TMEM273: variants seen among roughly 807,000 people sequenced by gnomAD.
TMEM273 encodes transmembrane protein 273.
TMEM273 carries 19 observed loss-of-function variants against 17.9 expected under a neutral mutation model. The ratio of observed to expected loss-of-function variants is 1.06; its 90% CI spans 0.74 to 1.55. The LOEUF is 1.55. Among genes scored for constraint, TMEM273 ranks in the 40% most tolerant of loss-of-function variants. The pLI is 0.00. For synonymous variants in TMEM273, 66 were observed against 62.0 expected, an observed-to-expected ratio of 1.07 and a Z score of -0.31; for missense variants, 194 against 155.6, an observed-to-expected ratio of 1.25 and a Z score of -1.31.
chr10:49,184,825 G>C (rs1306546308), intron 1 of TMEM273, among the ~76,000 whole-genome samples: 2 of 152,252 alleles, frequency 1.3e-5, no homozygotes, highest in African/African-American at 4.8e-5. Context: ...CAGCCATCAG[G>C]CTGCAAGTTA....
chr10:49,182,688 T>G (rs1665986938), intron 1 of TMEM273, among the ~76,000 whole-genome samples: 1 of 152,234 alleles, frequency 6.6e-6, no homozygotes, highest in African/African-American at 2.4e-5. Flanking sequence ...CCAGATATTT[T>G]CAATAGCTAG....
At chr10:49,168,072 AGAGG>A in intron 1 of TMEM273, 110 bp from the exon 2 acceptor site, 1 of 1,320,300 alleles carries the variant, frequency 7.6e-7, no homozygotes. Context: ...CCAGGAGCAC[AGAGG>A]TGGGCTCCCA....
chr10:49,172,094 T>C (rs1346219427), intron 1 of TMEM273, among the ~76,000 whole-genome samples: 1 of 152,232 alleles, frequency 6.6e-6, no homozygotes, highest in Non-Finnish European at 1.5e-5. Context: ...GACTTAAATG[T>C]TGCAGAATGG....
intron 6 of TMEM273, among the ~76,000 whole-genome samples, chr10:49,157,501 A>G (rs2804938): frequency 0.61 from 93,358 of 152,136 alleles, 28,925 homozygotes; most frequent in South Asian, 0.71. Flanking sequence ...CCAACAAGGA[A>G]AGAAGAAGAA....
chr10:49,167,998 A>G, intron 1 of TMEM273, 36 bp from the exon 2 acceptor site: 1 of 1,613,130 alleles, frequency 6.2e-7, no homozygotes, highest in Non-Finnish European at 8.5e-7. Flanking sequence ...TGGTTAGAAC[A>G]GAGCTGGCTG....
At chr10:49,162,951 G>A (rs1313666167) in intron 5 of TMEM273, among the ~76,000 whole-genome samples, 1 of 152,208 alleles carries the variant, frequency 6.6e-6, no homozygotes, top group Non-Finnish European at 1.5e-5. Context: ...TGATTCCATG[G>A]TGGGAGATGC....
intron 1 of TMEM273, among the ~76,000 whole-genome samples, chr10:49,181,595 T>C (rs572255399): frequency 1.3e-5 from 2 of 152,164 alleles, no homozygotes; most frequent in Non-Finnish European, 2.9e-5. Context: ...GGGCAAAATA[T>C]ATTCAATAGA....
rs760839210 is a variant in TMEM273, at chr10:49,167,868, C to T, written c.97+41G>A. ...GCTTGTCTTGGGAGCTTCCTTCCTGCCCCTGACCCTGTGCACAGAATAACA... is the reference window on the plus strand; with the variant it reads ...GCTTGTCTTGGGAGCTTCCTTCCTGTCCCTGACCCTGTGCACAGAATAACA... On this transcript the variant is annotated intron_variant, in intron 2 of 6. Coordinates refer to ENST00000374153, the MANE Select transcript of TMEM273 (RefSeq NM_001288740.3). The T allele has an allele frequency of 1.1e-5, 17 of 1,611,368 alleles. No individual in the cohort carries two copies. In the Admixed American group the frequency reaches 2.7e-4, roughly 25 times the overall value.
In TMEM273 at chr10:49,155,489, G is replaced by A. The variant is rs1469678210; in HGVS notation, c.*403C>T. On this transcript the variant is annotated 3_prime_UTR_variant, in exon 7 of 7. Transcript: ENST00000374153. ...TTCTACAAAGTAGTGCCTAACTGTT[G>A]ATAAGATGGCAGTGTGTAGGAAGCT... 8.5e-6 allele frequency: 2 copies of A among 234,186 alleles called. No homozygotes were observed. The highest frequency in any genetic ancestry group is 8.2e-6 in the Non-Finnish European group (1 of 122,382). The allele number at this position is 234,186 out of a possible 1,614,324, so 14.5% of individuals were successfully genotyped here.
chr10:49,178,487 C>T (rs1847141846), intron 1 of TMEM273: 1 of 344,970 alleles, frequency 2.9e-6, no homozygotes, highest in Non-Finnish European at 5.8e-6. Context: ...CCATGCAAAA[C>T]AGATGACATG....
intron 6 of TMEM273, among the ~76,000 whole-genome samples, chr10:49,159,906 C>T (rs559439685): frequency 6.6e-6 from 1 of 152,186 alleles, no homozygotes; most frequent in South Asian, 2.1e-4. Context: ...GTGACTTGCA[C>T]TAGCCAAATT....
chr10:49,169,095 G>A (rs138500042), intron 1 of TMEM273, among the ~76,000 whole-genome samples: 2 of 152,178 alleles, frequency 1.3e-5, no homozygotes, highest in African/African-American at 4.8e-5. Flanking sequence ...CTACAGACGT[G>A]AATGTGAATC....
chr10:49,159,138 T>TG (rs1845689905), intron 6 of TMEM273, among the ~76,000 whole-genome samples: 2 of 152,020 alleles, frequency 1.3e-5, no homozygotes, highest in African/African-American at 2.4e-5. Flanking sequence ...CTGAATCGTG[T>TG]ACATGACACA....
At chr10:49,175,144 C>T (rs1054102321) in intron 1 of TMEM273, among the ~76,000 whole-genome samples, 24 of 151,810 alleles carry the variant, frequency 1.6e-4, no homozygotes, top group African/African-American at 3.6e-4. Context: ...AAAAGCCAGG[C>T]GATTCAAGGA....
intron 5 of TMEM273, among the ~76,000 whole-genome samples, chr10:49,162,362 C>T (rs759023079): frequency 1.7e-4 from 26 of 152,176 alleles, no homozygotes; most frequent in Non-Finnish European, 3.1e-4. Context: ...TGCACACACA[C>T]ACATATGCGT....
chr10:49,167,492 C>A (rs980398780), intron 2 of TMEM273, among the ~76,000 whole-genome samples: 3 of 152,338 alleles, frequency 2.0e-5, no homozygotes, highest in Non-Finnish European at 4.4e-5. Context: ...GAGTCATGGG[C>A]GTCCAGAGCC....
chr10:49,173,969 T>C (rs1296607762), intron 1 of TMEM273, among the ~76,000 whole-genome samples: 4 of 152,172 alleles, frequency 2.6e-5, no homozygotes, highest in Non-Finnish European at 5.9e-5. Flanking sequence ...CACACTTTTC[T>C]GAGCCAAGAG....
chr10:49,180,441 G>T (rs1184421950), intron 1 of TMEM273, among the ~76,000 whole-genome samples: 1 of 152,174 alleles, frequency 6.6e-6, no homozygotes, highest in Non-Finnish European at 1.5e-5. Flanking sequence ...CTCCCATCAG[G>T]TGTCAGTGGT....
intron 1 of TMEM273, among the ~76,000 whole-genome samples, chr10:49,174,920 C>T (rs1004161524): frequency 1.3e-5 from 2 of 152,126 alleles, no homozygotes; most frequent in Admixed American, 6.5e-5. Context: ...CCTGCTAATG[C>T]GTGAAAGTAC....
Sources: allele counts gnomAD v4.1 joint callset (sites outside exome capture counted in the v4.1 genomes callset), GRCh38; gene constraint gnomAD v4.1.1; transcripts MANE v1.5; gene names NCBI Gene and HGNC (gene_info 2026-07-23, HGNC 2026-07-21).